NEGR1: variants seen among roughly 807,000 people sequenced by gnomAD.
The protein encoded by NEGR1 is IgLON family member 4.
In NEGR1, 10 loss-of-function variants were observed where a neutral mutation model predicts 40.9. The observed-to-expected ratio is 0.24, with a 90% CI of 0.15 to 0.42. The LOEUF (loss-of-function observed/expected upper bound fraction) is 0.42. NEGR1 is among the 10% of genes least tolerant of loss of function. The pLI, the probability that NEGR1 is intolerant of heterozygous loss-of-function variation, is 1.00. For synonymous variants in NEGR1, 185 were observed against 166.8 expected, an observed-to-expected ratio of 1.11 and a Z score of -0.84; for missense variants, 352 against 438.9, an observed-to-expected ratio of 0.80 and a Z score of 1.77.
chr1:72,010,230 G>C (rs1570604628), intron 1 of NEGR1, among the ~76,000 whole-genome samples: 1 of 152,152 alleles, frequency 6.6e-6, no homozygotes, highest in East Asian at 1.9e-4. Context: ...CAGCTGTGAA[G>C]AGCTGCTGAC....
intron 5 of NEGR1, among the ~76,000 whole-genome samples, chr1:71,607,252 T>A (rs1390556697): frequency 1.3e-5 from 2 of 152,240 alleles, no homozygotes; most frequent in Non-Finnish European, 2.9e-5. Context: ...ACTCCATTTT[T>A]CTGTGTCCTT....
chr1:71,819,399 C>T (rs1327446532), intron 2 of NEGR1, among the ~76,000 whole-genome samples: 2 of 151,824 alleles, frequency 1.3e-5, no homozygotes, highest in African/African-American at 2.4e-5. Context: ...GAACAGTAAT[C>T]CTCTATTTAA....
At chr1:71,904,833 A>C (rs1292362832) in intron 2 of NEGR1, among the ~76,000 whole-genome samples, 1 of 152,152 alleles carries the variant, frequency 6.6e-6, no homozygotes, top group East Asian at 1.9e-4. Context: ...TTCACAGAAG[A>C]TCAAAGTTGT....
chr1:72,104,380 C>A (rs1569970374), intron 1 of NEGR1, among the ~76,000 whole-genome samples: 1 of 152,114 alleles, frequency 6.6e-6, no homozygotes, highest in African/African-American at 2.4e-5. Context: ...ACCGCGGAAG[C>A]AGAGGCCCAA....
At chr1:71,719,491 A>G (rs956718984) in intron 3 of NEGR1, among the ~76,000 whole-genome samples, 4 of 152,188 alleles carry the variant, frequency 2.6e-5, no homozygotes, top group African/African-American at 9.7e-5. Context: ...TTGATGGCTA[A>G]GAATGGATGC....
chr1:72,076,657 T>C (rs960712546), intron 1 of NEGR1, among the ~76,000 whole-genome samples: 1 of 152,092 alleles, frequency 6.6e-6, no homozygotes, highest in African/African-American at 2.4e-5. Context: ...TATATATGTG[T>C]CCGTGTGTGC....
chr1:71,599,268 T>G (rs1041371532), intron 5 of NEGR1, among the ~76,000 whole-genome samples: 1 of 152,238 alleles, frequency 6.6e-6, no homozygotes, highest in African/African-American at 2.4e-5. Flanking sequence ...TCCTCTCAGT[T>G]GGCAGAAAAA....
intron 6 of NEGR1, among the ~76,000 whole-genome samples, chr1:71,542,361 G>A (rs1248940113): frequency 6.6e-6 from 1 of 151,710 alleles, no homozygotes; most frequent in Non-Finnish European, 1.5e-5. Flanking sequence ...TTGCTGGTAC[G>A]AGCCTGTTGA....
chr1:72,061,141 T>A (rs1233737290), intron 1 of NEGR1, among the ~76,000 whole-genome samples: 1 of 151,650 alleles, frequency 6.6e-6, no homozygotes. Flanking sequence ...GAATTCTAGT[T>A]TTATGTCTTA....
chr1:71,597,460 C>CTGTGTGTG lies in NEGR1; in HGVS notation c.789-4493_789-4492insCACACACA, dbSNP rs1185213578. ...TCTCTCTCTCTCTCTCTCTCTCTCT[C>CTGTGTGTG]TCTCTCTCTCTCTGTGTGTGTGTGT... is the stretch of plus-strand genomic sequence containing the variant. On this transcript the variant is annotated intron_variant, in intron 5 of 6. Coordinates refer to ENST00000357731, the MANE Select transcript of NEGR1 (RefSeq NM_173808.3). 6.6e-3 allele frequency among the ~76,000 whole-genome samples: 425 copies of CTGTGTGTG among 64,718 alleles called. 3 individuals carry two copies. The highest frequency in any genetic ancestry group is 0.024 in the African/African-American group (404 of 17,130). 42.5% of individuals were successfully genotyped at this position (64,718 alleles called of 152,430 possible).
intron 3 of NEGR1, among the ~76,000 whole-genome samples, chr1:71,759,190 T>C (rs1244246321): frequency 2.0e-5 from 3 of 151,936 alleles, no homozygotes; most frequent in African/African-American, 7.2e-5. Flanking sequence ...ATCCATCTAA[T>C]ATTATGAATG....
chr1:72,252,912 C>T (rs548493294), intron 1 of NEGR1, among the ~76,000 whole-genome samples: 6 of 152,166 alleles, frequency 3.9e-5, no homozygotes, highest in South Asian at 2.1e-4. Flanking sequence ...AATTACATTG[C>T]GAAGGAAAAA....
chr1:71,985,177 T>C (rs1281487847), intron 1 of NEGR1, among the ~76,000 whole-genome samples: 2 of 152,170 alleles, frequency 1.3e-5, no homozygotes, highest in East Asian at 3.9e-4. Flanking sequence ...CAAGAATTAA[T>C]AATCTCTTCT....
At position 71,922,386 on chromosome 1, in the gene NEGR1, G is replaced by C. The variant is rs578123259; in HGVS notation, c.409+12693C>G. ...GTGGGGGCAACATAGAGCATAGCAA[G>C]AGAGGTGCAGAGAATAGCTTTGAGA... On this transcript the variant is annotated intron_variant, in intron 2 of 6. Transcript: ENST00000357731. Among the ~76,000 whole-genome samples, 7 of 152,328 alleles carry C rather than the reference G, an allele frequency of 4.6e-5. No individual in the cohort carries two copies. The South Asian group carries it at 1.4e-3, about 32-fold the overall frequency.
intron 6 of NEGR1, among the ~76,000 whole-genome samples, chr1:71,460,089 C>T (rs915667040): frequency 2.6e-5 from 4 of 152,114 alleles, no homozygotes; most frequent in African/African-American, 9.7e-5. Flanking sequence ...ACTAAGTAAG[C>T]ACAGAATTGG....
chr1:71,646,735 T>G (rs910805571), intron 4 of NEGR1, among the ~76,000 whole-genome samples: 4 of 151,822 alleles, frequency 2.6e-5, no homozygotes, highest in African/African-American at 9.7e-5. Context: ...AATAGATAAG[T>G]CTCAGAGAGA....
intron 6 of NEGR1, chr1:71,570,928 T>G (rs1648790665): frequency 3.3e-5 from 5 of 152,164 alleles, no homozygotes; most frequent in Admixed American, 3.3e-4. Context: ...AAGGCACCAT[T>G]GACTGATGTC....
At chr1:71,971,563 GTT>G (rs1646256881) in intron 1 of NEGR1, among the ~76,000 whole-genome samples, 1 of 152,170 alleles carries the variant, frequency 6.6e-6, no homozygotes, top group Non-Finnish European at 1.5e-5. Flanking sequence ...TGTAAGTGCT[GTT>G]GTAAGTTAAA....
intron 2 of NEGR1, among the ~76,000 whole-genome samples, chr1:71,933,219 G>A (rs1456459750): frequency 1.3e-5 from 2 of 151,884 alleles, no homozygotes; most frequent in East Asian, 3.9e-4. Flanking sequence ...TTTTAAAAAC[G>A]TGAACAATAT....
Sources: allele counts gnomAD v4.1 joint callset (sites outside exome capture counted in the v4.1 genomes callset), GRCh38; gene constraint gnomAD v4.1.1; transcripts MANE v1.5; gene names NCBI Gene and HGNC (gene_info 2026-07-23, HGNC 2026-07-21).